AACS: variants seen among roughly 807,000 people sequenced by gnomAD.
AACS encodes acetoacetate-CoA ligase.
In AACS, 69 loss-of-function variants were observed where a neutral mutation model predicts 83.1. That is an observed-to-expected ratio of 0.83 (90% confidence interval 0.68 to 1.01). AACS has a LOEUF of 1.01. Ranked by LOEUF, AACS falls within the 50% of genes least tolerant of loss-of-function variation. The probability of loss-of-function intolerance (pLI) is 0.00; values close to 1 mark genes in which losing one functional copy is unlikely to be tolerated. For missense variants in AACS, 866 were observed against 882.2 expected (o/e 0.98, Z 0.23); for synonymous variants, 333 against 343.4 (o/e 0.97, Z 0.33).
intron 10 of AACS, chr12:125,124,160 T>C (rs1957204372): frequency 6.5e-6 from 1 of 152,902 alleles, no homozygotes; most frequent in Non-Finnish European, 1.5e-5. Context: ...CTGGGCATGG[T>C]GGCATACACC....
intron 8 of AACS, among the ~76,000 whole-genome samples, chr12:125,112,258 C>T (rs768805184): frequency 2.1e-4 from 32 of 152,192 alleles, no homozygotes; most frequent in Non-Finnish European, 3.7e-4. Flanking sequence ...GAAGGGGAGG[C>T]TGTCTCTTGA....
intron 12 of AACS, 142 bp downstream of exon 12, chr12:125,125,166 G>A: frequency 3.1e-6 from 4 of 1,305,684 alleles, no homozygotes; most frequent in Non-Finnish European, 4.2e-6. Flanking sequence ...ATGATCTGAG[G>A]CAGTGATGTT....
In AACS at chr12:125,065,700, C is replaced by A; in HGVS notation, c.116C>A (p.Ala39Asp). ...CGCTTCCGGGCGGCTGTGGGCGCCG[C>A]CTGCGGCCTGGCGCTGGGTGAGAGT... ...MDRFRAAVGA[A>D]CGLALESYDD... Residue 39 changes from alanine to aspartate, a missense_variant, in exon 1 of 18, where the codon GCC becomes GAC. Coordinates refer to ENST00000316519, the MANE Select transcript of AACS (RefSeq NM_023928.5). The A allele has an allele frequency of 1.3e-6, 2 of 1,539,468 alleles. No individual in the cohort carries two copies. The highest frequency in any genetic ancestry group is 1.2e-5 in the South Asian group (1 of 82,864).
intron 3 of AACS, among the ~76,000 whole-genome samples, chr12:125,079,445 G>A (rs758797534): frequency 9.2e-5 from 14 of 152,268 alleles, no homozygotes; most frequent in South Asian, 2.1e-4. Context: ...GCAGTGGCAC[G>A]ATCGTGGCTC....
intron 8 of AACS, among the ~76,000 whole-genome samples, chr12:125,107,952 C>A (rs1956869604): frequency 6.6e-6 from 1 of 152,116 alleles, no homozygotes; most frequent in Non-Finnish European, 1.5e-5. Flanking sequence ...CAGAGCCAGA[C>A]TCTGTCTCAA....
Position 125,129,234 on chromosome 12 carries a change from G to C in AACS, c.1424-101G>C. ...CATCTCTGTACCTTTGTATATGTCTGGAATATTGCATAATAAGTAATAGCT... is the reference window on the plus strand; with the variant it reads ...CATCTCTGTACCTTTGTATATGTCTCGAATATTGCATAATAAGTAATAGCT... On this transcript the variant is annotated intron_variant, in intron 13 of 17. Coordinates refer to ENST00000316519, the MANE Select transcript of AACS (RefSeq NM_023928.5). The surrounding 1 kb of genome is among the most constrained non-coding windows in gnomAD (Gnocchi z 4.3). The C allele has an allele frequency of 6.8e-7, 1 of 1,473,722 alleles. No homozygotes were observed. The highest frequency in any genetic ancestry group is 9.1e-7 in the Non-Finnish European group (1 of 1,103,980). 91.3% of individuals were successfully genotyped at this position (1,473,722 alleles called of 1,614,324 possible).
In AACS at chr12:125,113,543, G is replaced by C. The variant is rs1956993100; in HGVS notation, c.916-934G>C. 6.6e-6 allele frequency among the ~76,000 whole-genome samples: 1 copy of C among 152,246 alleles called. No individual in the cohort carries two copies. Among genetic ancestry groups the C allele is most frequent in the Admixed American group, 6.5e-5 (1 of 15,286 alleles). On this transcript the variant is annotated intron_variant, in intron 8 of 17. Transcript: ENST00000316519. The surrounding 1 kb of genome is among the most constrained non-coding windows in gnomAD (Gnocchi z 4.8). The stretch of plus-strand genomic sequence containing the variant: ...CTTCCTCTCCTCCCTGCCCCTGCCA[G>C]ACACACAGAGTTGCTTGGAACAAGT...
chr12:125,133,976 G>A, intron 14 of AACS, 27 bp from the exon 15 acceptor site: 2 of 1,613,778 alleles, frequency 1.2e-6, no homozygotes, highest in East Asian at 4.5e-5. Flanking sequence ...TCCTCGGGAT[G>A]ACCGGGCACC....
At chr12:125,085,888 T>C (rs1181245787) in intron 3 of AACS, among the ~76,000 whole-genome samples, 2 of 152,276 alleles carry the variant, frequency 1.3e-5, no homozygotes, top group East Asian at 3.9e-4. Context: ...TGATCATGGC[T>C]CACGTGATCC....
At chr12:125,070,981 TAAAAC>T (rs906655070) in intron 1 of AACS, among the ~76,000 whole-genome samples, 33 of 152,336 alleles carry the variant, frequency 2.2e-4, no homozygotes, top group African/African-American at 7.5e-4. Flanking sequence ...GTTAGCGACT[TAAAAC>T]AAGAATAAAC....
At position 125,143,258 on chromosome 12, in the gene AACS, A is replaced by G. The variant is rs1466238814; in HGVS notation, c.*1029A>G. ...CATTTTCCTTTTGGATTATAAAAAT[A>G]TGGGGGAAAGTGCTATGATGAATTT... is the stretch of plus-strand genomic sequence containing the variant. On this transcript the variant is annotated 3_prime_UTR_variant, in exon 18 of 18. Coordinates refer to ENST00000316519, the MANE Select transcript of AACS (RefSeq NM_023928.5). 6.6e-6 allele frequency: 1 copy of G among 152,252 alleles called. No homozygotes were observed. Among genetic ancestry groups the G allele is most frequent in the Non-Finnish European group, 1.5e-5 (1 of 68,050 alleles). The allele number at this position is 152,252 out of a possible 1,614,324, so 9.4% of individuals were successfully genotyped here.
chr12:125,121,780 A>T (rs1238608758), intron 10 of AACS: 1 of 152,220 alleles, frequency 6.6e-6, no homozygotes, highest in East Asian at 1.9e-4. Flanking sequence ...CTCGTGGGCG[A>T]GCAGGCTTGT....
chr12:125,078,225 G>A, intron 3 of AACS: 1 of 455,884 alleles, frequency 2.2e-6, no homozygotes, highest in Middle Eastern at 3.3e-4. Flanking sequence ...GATCATGGCA[G>A]TCCAGTTCCC....
chr12:125,136,829 G>A lies in AACS; in HGVS notation c.1846G>A (p.Val616Met), dbSNP rs546586609. 37 of 1,613,780 alleles carry A rather than the reference G, an allele frequency of 2.3e-5. No individual in the cohort carries two copies. The highest frequency in any genetic ancestry group is 1.6e-4 in the Middle Eastern group (1 of 6,062). Residue 616 changes from valine to methionine, a missense_variant, in exon 17 of 18, where the codon GTG becomes ATG. Physicochemically the swap from Val to Met is conservative, Grantham distance 21 (BLOSUM62 1). Transcript: ENST00000316519. ...AIRMGLSARH[V>M]PSLILETKGI... is the part of the protein sequence containing the mutation. ...CCGCATGGGCTTGTCTGCGCGACAC[G>A]TGCCCAGCCTCATCCTGGAAACCAA...
At position 125,124,734 on chromosome 12, in the gene AACS, G is replaced by T. The variant is rs781649055; in HGVS notation, c.1151G>T (p.Trp384Leu). 2 of 1,614,154 alleles carry T rather than the reference G, an allele frequency of 1.2e-6. No homozygotes were observed. Among genetic ancestry groups the T allele is most frequent in the Non-Finnish European group, 1.7e-6 (2 of 1,180,022 alleles). The change falls in exon 11 of 18, where the codon TGG becomes TTG. Residue 384 changes from tryptophan to leucine, a missense_variant. Physicochemically the swap from Trp to Leu is moderately conservative, Grantham distance 61 (BLOSUM62 -2). Coordinates refer to ENST00000316519, the MANE Select transcript of AACS (RefSeq NM_023928.5). ...ACTGTCCTGGTAACTGGGGCCAAGT[G>T]GCTGTCAGTGCTGGAAGAGAAGGCC... Reference protein sequence around the residue: ...GITVLVTGAKWLSVLEEKAMK... With the variant: ...GITVLVTGAKLLSVLEEKAMK...
chr12:125,109,912 GTGT>G (rs1316040854), intron 8 of AACS, among the ~76,000 whole-genome samples: 1 of 152,154 alleles, frequency 6.6e-6, no homozygotes, highest in East Asian at 1.9e-4. Context: ...AAATGATGTG[GTGT>G]TCTTCTCCGT....
At chr12:125,085,054 A>G (rs1301804069) in intron 3 of AACS, among the ~76,000 whole-genome samples, 2 of 151,814 alleles carry the variant, frequency 1.3e-5, no homozygotes, top group African/African-American at 4.8e-5. Context: ...GAGCTAGAGT[A>G]TATGTAAGTG....
At chr12:125,138,843 G>C (rs1239015834) in intron 17 of AACS, 1 of 152,110 alleles carries the variant, frequency 6.6e-6, no homozygotes, top group African/African-American at 2.4e-5. Flanking sequence ...TTATTGCTGA[G>C]CTAGGGAGGG....
In AACS at chr12:125,076,673, C is replaced by T. The variant is rs1302032895; in HGVS notation, c.358+62C>T. On this transcript the variant is annotated intron_variant, in intron 3 of 17. Transcript: ENST00000316519. ...GGAAGTTCTAGATGGTGCATGCATG[C>T]GGTGCCACATATTTGGAGAGATAGG... is the stretch of plus-strand genomic sequence containing the variant. 23 of 1,598,642 alleles carry T rather than the reference C, an allele frequency of 1.4e-5. No individual in the cohort carries two copies. The East Asian group carries it at 3.4e-4, about 23-fold the overall frequency.
Sources: gnomAD v4.1 joint callset for allele counts (sites outside exome capture counted in the v4.1 genomes callset) on GRCh38, gnomAD v4.1.1 for gene constraint, Gnocchi (gnomAD v3.1) non-coding constraint, MANE v1.5 for transcripts, NCBI Gene and HGNC (gene_info 2026-07-23, HGNC 2026-07-21) for gene names.